Variants in ELAVL2 observed in about 807,000 individuals in gnomAD.
ELAVL2 encodes ELAV like RNA binding protein 2.
In ELAVL2, 4 loss-of-function variants were observed where a neutral mutation model predicts 34.6. The observed-to-expected ratio is 0.12, with a 90% CI of 0.06 to 0.26. ELAVL2 has a LOEUF of 0.26. Among genes scored for constraint, ELAVL2 ranks in the 10% least tolerant of loss-of-function variants. ELAVL2 has a pLI of 1.00. For synonymous variants in ELAVL2, 193 were observed against 154.8 expected, an observed-to-expected ratio of 1.25 and a Z score of -1.83; for missense variants, 432 against 442.8, an observed-to-expected ratio of 0.98 and a Z score of 0.22.
At chr9:23,840,966 C>T in the ELAVL2 span, among the ~76,000 whole-genome samples, 1 of 152,090 alleles carries the variant, frequency 6.6e-6, no homozygotes, top group African/African-American at 2.4e-5. Context: ...ACATGACCAC[C>T]CCACAAGTTA....
At chr9:23,749,602 T>C (rs2051372659) in intron 2 of ELAVL2, among the ~76,000 whole-genome samples, 1 of 152,134 alleles carries the variant, frequency 6.6e-6, no homozygotes, top group African/African-American at 2.4e-5. Context: ...AAATGTTAAA[T>C]GGTCCTGGGT....
At chr9:23,842,121 CT>C in the ELAVL2 span, among the ~76,000 whole-genome samples, 1 of 152,102 alleles carries the variant, frequency 6.6e-6, no homozygotes, top group African/African-American at 2.4e-5. Context: ...TAAGTCTCAC[CT>C]TAGACAATTG....
intron 2 of ELAVL2, among the ~76,000 whole-genome samples, chr9:23,733,095 T>C (rs1247621406): frequency 2.7e-5 from 4 of 147,054 alleles, no homozygotes; most frequent in African/African-American, 1.0e-4. Flanking sequence ...TGATAGATAC[T>C]CCTCCTCCTG....
intron 6 of ELAVL2, 54 bp from the exon 7 acceptor site, chr9:23,692,938 T>C: frequency 6.5e-7 from 1 of 1,542,280 alleles, no homozygotes; most frequent in Non-Finnish European, 8.8e-7. Context: ...AAAACAGAGG[T>C]TGGTTATAGC....
chr9:23,811,876 G>A (rs1368857432), intron 1 of ELAVL2, among the ~76,000 whole-genome samples: 1 of 152,050 alleles, frequency 6.6e-6, no homozygotes, highest in Non-Finnish European at 1.5e-5. Context: ...CTAGGAAATA[G>A]TTACTCATAC....
rs58828236 is a variant in ELAVL2, at chr9:23,702,951, C to CAAAAAAAAAAAAAAAAAAAAAAAAAAAA, written c.488-1375_488-1348dup. Among the ~76,000 whole-genome samples the CAAAAAAAAAAAAAAAAAAAAAAAAAAAA allele has an allele frequency of 4.6e-4, 22 of 47,650 alleles. 5 individuals carry two copies. The highest frequency in any genetic ancestry group is 6.0e-4 in the Non-Finnish European group (15 of 24,950). 31.3% of individuals were successfully genotyped at this position (47,650 alleles called of 152,430 possible). ...TTCCATTAGAAAAGCATCAGATTAGCAAAAAAAAAAAAAAAAAAAAAAAAA... is the reference window on the plus strand; with the variant it reads ...TTCCATTAGAAAAGCATCAGATTAGCAAAAAAAAAAAAAAAAAAAAAAAAAAAAAAAAAAAAAAAAAAAAAAAAAAAAA... On this transcript the variant is annotated intron_variant, in intron 4 of 6. Coordinates refer to ENST00000397312, the MANE Select transcript of ELAVL2 (RefSeq NM_004432.5).
chr9:23,696,913 T>C (rs1179616177), intron 5 of ELAVL2, among the ~76,000 whole-genome samples: 2 of 151,534 alleles, frequency 1.3e-5, no homozygotes, highest in South Asian at 2.1e-4. Context: ...ATTAAATATA[T>C]ATTTAAAATA....
intron 3 of ELAVL2, among the ~76,000 whole-genome samples, chr9:23,705,290 T>A (rs1012788295): frequency 2.6e-4 from 39 of 152,092 alleles, no homozygotes; most frequent in African/African-American, 8.7e-4. Context: ...GGGAAGAGTA[T>A]CTGTAATATG....
chr9:23,772,062 G>A (rs1201680679), intron 1 of ELAVL2, among the ~76,000 whole-genome samples: 1 of 152,168 alleles, frequency 6.6e-6, no homozygotes, highest in East Asian at 1.9e-4. Flanking sequence ...TGTGGCAGAG[G>A]TTTTGTTTGG....
chr9:23,816,365 TGAAG>T (rs1309053505), intron 1 of ELAVL2, among the ~76,000 whole-genome samples: 3 of 145,698 alleles, frequency 2.1e-5, no homozygotes, highest in African/African-American at 7.6e-5. Flanking sequence ...AAATCCATCT[TGAAG>T]GAATAGTTTA....
intron 3 of ELAVL2, among the ~76,000 whole-genome samples, chr9:23,706,438 A>G (rs577965118): frequency 1.8e-4 from 27 of 152,308 alleles, no homozygotes; most frequent in Non-Finnish European, 3.1e-4. Flanking sequence ...ACTGAACCAG[A>G]GCATTTAAGG....
At chr9:23,704,151 T>TTTTTTTTTTTTTTTTTTTTGA in intron 4 of ELAVL2, among the ~76,000 whole-genome samples, 1 of 151,848 alleles carries the variant, frequency 6.6e-6, no homozygotes, top group South Asian at 2.1e-4. Context: ...ACGCTGGTCT[T>TTTTTTTTTTTTTTTTTTTTGA]GAACTCCCAG....
chr9:23,775,648 A>G (rs1937551425), intron 1 of ELAVL2, among the ~76,000 whole-genome samples: 1 of 152,078 alleles, frequency 6.6e-6, no homozygotes, highest in Non-Finnish European at 1.5e-5. Flanking sequence ...CACGTTGCCT[A>G]TGAAGTAACA....
chr9:23,805,786 G>T (rs982481164), intron 1 of ELAVL2, among the ~76,000 whole-genome samples: 11 of 152,152 alleles, frequency 7.2e-5, no homozygotes, highest in African/African-American at 2.4e-4. Flanking sequence ...TGGCCCAGTG[G>T]TCATCCATGG....
At chr9:23,768,581 A>G (rs552481990) in intron 1 of ELAVL2, among the ~76,000 whole-genome samples, 1 of 152,276 alleles carries the variant, frequency 6.6e-6, no homozygotes, top group East Asian at 1.9e-4. Flanking sequence ...CATATTTTCA[A>G]GTTTTGACGC....
chr9:23,783,050 G>C (rs891719119), intron 1 of ELAVL2, among the ~76,000 whole-genome samples: 7 of 152,142 alleles, frequency 4.6e-5, no homozygotes, highest in Non-Finnish European at 1.0e-4. Context: ...TATTTGGCTA[G>C]AGTGAGAGCC....
chr9:23,820,566 T>A (rs1189202304), intron 1 of ELAVL2, among the ~76,000 whole-genome samples: 1 of 152,218 alleles, frequency 6.6e-6, no homozygotes, highest in African/African-American at 2.4e-5. Context: ...TGCTCATAGC[T>A]CGCATCTAGA....
chr9:23,841,141 C>A, the ELAVL2 span, among the ~76,000 whole-genome samples: 1 of 152,006 alleles, frequency 6.6e-6, no homozygotes, highest in East Asian at 1.9e-4. Context: ...CCTAGTAGAT[C>A]TGGGGTATTA....
the ELAVL2 span, among the ~76,000 whole-genome samples, chr9:23,835,266 C>T: frequency 1.1e-4 from 16 of 151,920 alleles, no homozygotes; most frequent in South Asian, 3.1e-3. Context: ...TATGTTGAGA[C>T]ACTTTTATTA....
Sources: allele counts gnomAD v4.1 joint callset (sites outside exome capture counted in the v4.1 genomes callset), GRCh38; gene constraint gnomAD v4.1.1; transcripts MANE v1.5; gene names NCBI Gene and HGNC (gene_info 2026-07-23, HGNC 2026-07-21).